Variants in EEFSEC observed in about 807,000 individuals in gnomAD.
The protein encoded by EEFSEC is eukaryotic elongation factor, selenocysteine-tRNA specific.
A neutral mutation model predicts 42.1 loss-of-function variants in EEFSEC; 43 were observed. That is an observed-to-expected ratio of 1.02 (90% CI 0.80 to 1.32). The LOEUF (loss-of-function observed/expected upper bound fraction) is 1.32, where lower values mean the gene tolerates loss of function less well. Among genes scored for constraint, EEFSEC ranks in the 40% most tolerant of loss-of-function variants. EEFSEC has a pLI of 0.00. For synonymous variants in EEFSEC, 354 were observed against 339.1 expected (o/e 1.04, Z -0.48); for missense variants, 745 against 803.6 (o/e 0.93, Z 0.88).
chr3:128,252,122 C>A (rs1306490568), intron 2 of EEFSEC, among the ~76,000 whole-genome samples: 1 of 152,152 alleles, frequency 6.6e-6, no homozygotes, highest in Non-Finnish European at 1.5e-5. Context: ...GTGTTTCTTC[C>A]TGCTTTTTAA....
At chr3:128,230,416 A>G (rs1451472051) in intron 1 of EEFSEC, among the ~76,000 whole-genome samples, 3 of 152,072 alleles carry the variant, frequency 2.0e-5, no homozygotes, top group Non-Finnish European at 4.4e-5. Flanking sequence ...CAGCCTCCCA[A>G]ATTGCTGAGA....
intron 1 of EEFSEC, among the ~76,000 whole-genome samples, chr3:128,200,856 T>A (rs1309233646): frequency 6.6e-6 from 1 of 152,210 alleles, no homozygotes; most frequent in African/African-American, 2.4e-5. Flanking sequence ...TGTGGTCACT[T>A]GTGTGAATGT....
intron 4 of EEFSEC, among the ~76,000 whole-genome samples, chr3:128,268,574 CT>C (rs2066379931): frequency 6.6e-6 from 1 of 152,046 alleles, no homozygotes; most frequent in African/African-American, 2.4e-5. Flanking sequence ...AGGTAAGGAT[CT>C]TAAGAAGAAA....
At chr3:128,279,486 C>T (rs895380557) in intron 4 of EEFSEC, among the ~76,000 whole-genome samples, 15 of 152,170 alleles carry the variant, frequency 9.9e-5, no homozygotes, top group Admixed American at 7.2e-4. Context: ...CTAGAACAGG[C>T]GGCCCCCTCA....
the EEFSEC span, among the ~76,000 whole-genome samples, chr3:128,419,702 C>T: frequency 1.3e-5 from 2 of 152,306 alleles, no homozygotes; most frequent in African/African-American, 4.8e-5. Context: ...GAATAAGAGC[C>T]ACACCGGCAC....
chr3:128,323,235 T>G (rs2067027332), intron 4 of EEFSEC, among the ~76,000 whole-genome samples: 1 of 152,192 alleles, frequency 6.6e-6, no homozygotes, highest in South Asian at 2.1e-4. Flanking sequence ...TGAGCTTTGC[T>G]TGTACCTTTG....
chr3:128,358,201 G>A lies in EEFSEC; in HGVS notation c.1444-16G>A. 5.0e-6 allele frequency: 8 copies of A among 1,612,760 alleles called. No homozygotes were observed. The highest frequency in any genetic ancestry group is 6.8e-6 in the Non-Finnish European group (8 of 1,178,936). ...CCACTAATGCCCTCTCTCTGTGGCT[G>A]GGTGTGTGGGGACAGGCGATGGATG... On this transcript the variant is annotated splice_polypyrimidine_tract_variant and intron_variant, in intron 5 of 6. Coordinates refer to ENST00000254730, the MANE Select transcript of EEFSEC (RefSeq NM_021937.5).
intron 1 of EEFSEC, among the ~76,000 whole-genome samples, chr3:128,183,862 G>C (rs541242446): frequency 6.6e-6 from 1 of 152,280 alleles, no homozygotes; most frequent in South Asian, 2.1e-4. Flanking sequence ...TGATGTTCTG[G>C]AGTATTAAAT....
At chr3:128,279,869 C>A (rs2066507505) in intron 4 of EEFSEC, among the ~76,000 whole-genome samples, 1 of 152,206 alleles carries the variant, frequency 6.6e-6, no homozygotes, top group African/African-American at 2.4e-5. Flanking sequence ...GAACATGGCA[C>A]GGGTGTTTAC....
intron 4 of EEFSEC, among the ~76,000 whole-genome samples, chr3:128,270,308 C>T (rs2066400527): frequency 6.6e-6 from 1 of 152,166 alleles, no homozygotes; most frequent in African/African-American, 2.4e-5. Context: ...CTGTTCAGGG[C>T]TACTAAGTGA....
At chr3:128,256,243 A>G (rs2066240589) in intron 2 of EEFSEC, among the ~76,000 whole-genome samples, 2 of 152,200 alleles carry the variant, frequency 1.3e-5, no homozygotes, top group Non-Finnish European at 1.5e-5. Context: ...AGGTAATAGT[A>G]TCTAGCTAGA....
At chr3:128,313,569 G>A (rs1438815953) in intron 4 of EEFSEC, among the ~76,000 whole-genome samples, 4 of 152,216 alleles carry the variant, frequency 2.6e-5, no homozygotes, top group Non-Finnish European at 4.4e-5. Context: ...ACTCAGGCAT[G>A]AGGAGGTCCA....
chr3:128,284,920 T>C (rs2066567534), intron 4 of EEFSEC, among the ~76,000 whole-genome samples: 1 of 152,050 alleles, frequency 6.6e-6, no homozygotes, highest in African/African-American at 2.4e-5. Flanking sequence ...GTTTTTTTTT[T>C]TTTAATGCAA....
chr3:128,291,020 G>A (rs899933795), intron 4 of EEFSEC, among the ~76,000 whole-genome samples: 25 of 152,124 alleles, frequency 1.6e-4, no homozygotes, highest in African/African-American at 6.0e-4. Context: ...AAAGTGCTGG[G>A]ATTACAGGCA....
intron 6 of EEFSEC, among the ~76,000 whole-genome samples, chr3:128,377,847 G>A (rs1209919719): frequency 6.6e-6 from 1 of 152,196 alleles, no homozygotes; most frequent in East Asian, 1.9e-4. Flanking sequence ...GGGTGAAGGT[G>A]TCTGTTCTCT....
Position 128,220,231 on chromosome 3 carries a change from A to C in EEFSEC, c.317-26605A>C, listed in dbSNP as rs559280747. Among the ~76,000 whole-genome samples, 5 of 152,320 alleles carry C rather than the reference A, an allele frequency of 3.3e-5. No individual in the cohort carries two copies. The South Asian group carries it at 6.2e-4, about 19-fold the overall frequency. On this transcript the variant is annotated intron_variant, in intron 1 of 6. Coordinates refer to ENST00000254730, the MANE Select transcript of EEFSEC (RefSeq NM_021937.5). ...CTCCAGAGTCTGTGCTCCCAAGCAA[A>C]GGTGCCTGAGTTCCTTTCAGGAAAT...
chr3:128,222,868 C>T (rs762827818), intron 1 of EEFSEC, among the ~76,000 whole-genome samples: 1 of 152,084 alleles, frequency 6.6e-6, no homozygotes, highest in East Asian at 1.9e-4. Flanking sequence ...CTTCTAAAAC[C>T]CTTGGAATTT....
chr3:128,336,506 C>T (rs1189720006), intron 4 of EEFSEC, among the ~76,000 whole-genome samples: 2 of 152,182 alleles, frequency 1.3e-5, no homozygotes, highest in Non-Finnish European at 2.9e-5. Context: ...TGGCCCATGT[C>T]TCCAACCTGC....
chr3:128,204,683 G>A (rs1349613432), intron 1 of EEFSEC, among the ~76,000 whole-genome samples: 1 of 152,124 alleles, frequency 6.6e-6, no homozygotes, highest in Non-Finnish European at 1.5e-5. Flanking sequence ...CACAGTGCCT[G>A]GACAGCAGCA....
Sources: gnomAD v4.1 joint callset for allele counts (sites outside exome capture counted in the v4.1 genomes callset) on GRCh38, gnomAD v4.1.1 for gene constraint, MANE v1.5 for transcripts, NCBI Gene and HGNC (gene_info 2026-07-23, HGNC 2026-07-21) for gene names.